Variants in LINGO2 observed in about 807,000 individuals in gnomAD.
LINGO2 encodes the protein leucine-rich repeat and immunoglobulin-like domain-containing nogo receptor-interacting protein 2.
A neutral mutation model predicts 30.6 loss-of-function variants in LINGO2; 14 were observed. The ratio of observed to expected loss-of-function variants is 0.46; its 90% CI spans 0.30 to 0.72. The LOEUF is 0.72. LINGO2 is among the 30% of genes least tolerant of loss of function. LINGO2 has a pLI of 0.07. For missense variants in LINGO2, 729 were observed against 751.7 expected (o/e 0.97, Z 0.35); for synonymous variants, 317 against 288.5 (o/e 1.10, Z -1.00).
intron 4 of LINGO2, among the ~76,000 whole-genome samples, chr9:28,237,080 A>C (rs182077248): frequency 7.3e-6 from 1 of 137,102 alleles, no homozygotes; most frequent in East Asian, 2.4e-4. Context: ...GACACAGTAC[A>C]GTAAGTCACA....
intron 4 of LINGO2, among the ~76,000 whole-genome samples, chr9:28,178,174 C>T (rs1004861220): frequency 6.6e-6 from 1 of 152,066 alleles, no homozygotes; most frequent in Non-Finnish European, 1.5e-5. Flanking sequence ...CTGCCTGACA[C>T]CTCAGGGCAT....
At chr9:28,243,659 G>T (rs926320767) in intron 4 of LINGO2, among the ~76,000 whole-genome samples, 1 of 151,642 alleles carries the variant, frequency 6.6e-6, no homozygotes, top group African/African-American at 2.4e-5. Flanking sequence ...AAAAAAAACG[G>T]GTTGGATTCC....
At chr9:28,196,279 T>C (rs1365384126) in intron 4 of LINGO2, among the ~76,000 whole-genome samples, 2 of 151,506 alleles carry the variant, frequency 1.3e-5, no homozygotes, top group South Asian at 4.2e-4. Context: ...AGAAGAAAAA[T>C]TAAAATTTTA....
At chr9:29,063,603 T>C in the LINGO2 span, among the ~76,000 whole-genome samples, 1 of 151,942 alleles carries the variant, frequency 6.6e-6, no homozygotes, top group Non-Finnish European at 1.5e-5. Flanking sequence ...TTTCACCATA[T>C]TGGCCAGGCT....
chr9:28,088,411 A>G (rs1296324497), intron 4 of LINGO2, among the ~76,000 whole-genome samples: 2 of 152,014 alleles, frequency 1.3e-5, no homozygotes, highest in Non-Finnish European at 2.9e-5. Flanking sequence ...TACCCTGATA[A>G]AAGCAAAATG....
chr9:28,517,172 T>C (rs10968632), intron 1 of LINGO2, among the ~76,000 whole-genome samples: 28,155 of 152,086 alleles, frequency 0.19, 2,663 homozygotes, highest in East Asian at 0.34. Context: ...GAAAGGTCTT[T>C]CTTACAGACA....
At chr9:28,664,398 G>T (rs1828709394) in intron 1 of LINGO2, among the ~76,000 whole-genome samples, 1 of 152,060 alleles carries the variant, frequency 6.6e-6, no homozygotes, top group Admixed American at 6.6e-5. Context: ...AAGCCTGAGA[G>T]ACCTCTACTA....
chr9:28,784,174 T>C, the LINGO2 span, among the ~76,000 whole-genome samples: 7 of 152,346 alleles, frequency 4.6e-5, no homozygotes, highest in South Asian at 2.1e-4. Flanking sequence ...AGGCAACTGT[T>C]GTTCCCAGTT....
the LINGO2 span, among the ~76,000 whole-genome samples, chr9:28,844,311 A>G: frequency 6.6e-6 from 1 of 151,756 alleles, no homozygotes; most frequent in African/African-American, 2.4e-5. Flanking sequence ...GCAGTGAGCC[A>G]AGATCATGCC....
intron 4 of LINGO2, among the ~76,000 whole-genome samples, chr9:28,133,318 T>C (rs1337227587): frequency 6.6e-6 from 1 of 152,206 alleles, no homozygotes; most frequent in Non-Finnish European, 1.5e-5. Flanking sequence ...GGGTGATCTA[T>C]TACTGTAGTT....
the LINGO2 span, among the ~76,000 whole-genome samples, chr9:28,840,926 A>G: frequency 6.6e-6 from 1 of 151,904 alleles, no homozygotes; most frequent in South Asian, 2.1e-4. Context: ...GTTAAACATG[A>G]AAAGCTCCTT....
At chr9:28,680,641 T>A in the LINGO2 span, among the ~76,000 whole-genome samples, 3 of 152,148 alleles carry the variant, frequency 2.0e-5, no homozygotes, top group Non-Finnish European at 4.4e-5. Flanking sequence ...CATCTTTTTT[T>A]ATCAGGTGTT....
the LINGO2 span, among the ~76,000 whole-genome samples, chr9:29,203,426 A>C: frequency 3.3e-5 from 5 of 152,174 alleles, no homozygotes; most frequent in Non-Finnish European, 7.4e-5. Context: ...AAAACATACA[A>C]GAGAGAGCAT....
the LINGO2 span, among the ~76,000 whole-genome samples, chr9:29,120,662 T>C: frequency 6.6e-6 from 1 of 152,146 alleles, no homozygotes; most frequent in South Asian, 2.1e-4. Flanking sequence ...ACCCTGACAC[T>C]GAAAATACAC....
At chr9:28,015,168 T>A (rs542821386) in intron 4 of LINGO2, among the ~76,000 whole-genome samples, 1 of 152,096 alleles carries the variant, frequency 6.6e-6, no homozygotes, top group East Asian at 1.9e-4. Context: ...AAAATGGAAA[T>A]ATATTAGTGG....
chr9:29,189,425 G>A, the LINGO2 span, among the ~76,000 whole-genome samples: 5 of 151,346 alleles, frequency 3.3e-5, no homozygotes, highest in Admixed American at 2.0e-4. Context: ...CGGGGCGGCC[G>A]GGCAGAGACG....
At chr9:28,343,311 C>G (rs1297642543) in intron 3 of LINGO2, among the ~76,000 whole-genome samples, 1 of 152,134 alleles carries the variant, frequency 6.6e-6, no homozygotes, top group Non-Finnish European at 1.5e-5. Flanking sequence ...TAAACACACG[C>G]AAACATACAT....
intron 4 of LINGO2, among the ~76,000 whole-genome samples, chr9:28,204,517 C>T (rs1051860276): frequency 1.3e-5 from 2 of 152,012 alleles, no homozygotes; most frequent in Admixed American, 6.6e-5. Context: ...GAATTGTTAG[C>T]GACATTTCTC....
At chr9:27,980,287 T>C (rs939382302) in intron 5 of LINGO2, among the ~76,000 whole-genome samples, 1 of 151,932 alleles carries the variant, frequency 6.6e-6, no homozygotes, top group African/African-American at 2.4e-5. Context: ...ATTCATTCAA[T>C]TCCCTGGCAA....
Sources: allele counts gnomAD v4.1 joint callset (sites outside exome capture counted in the v4.1 genomes callset), GRCh38; gene constraint gnomAD v4.1.1; transcripts MANE v1.5; gene names NCBI Gene and HGNC (gene_info 2026-07-23, HGNC 2026-07-21).